TRIP11: variants seen among roughly 807,000 people sequenced by gnomAD.
TRIP11 encodes the protein thyroid hormone receptor interactor 11, also known as thyroid receptor-interacting protein 11.
In TRIP11, 148 loss-of-function variants were observed where a neutral mutation model predicts 223.1. The observed-to-expected ratio is 0.66, with a 90% CI of 0.58 to 0.76. The LOEUF (loss-of-function observed/expected upper bound fraction) is 0.76. Among genes scored for constraint, TRIP11 ranks in the 30% least tolerant of loss-of-function variants. The probability of loss-of-function intolerance (pLI) is 0.00; values close to 1 mark genes in which losing one functional copy is unlikely to be tolerated. For synonymous variants in TRIP11, 762 were observed against 772.6 expected (o/e 0.99, Z 0.23); for missense variants, 2,043 against 2,222.0 (o/e 0.92, Z 1.62).
intron 2 of TRIP11, among the ~76,000 whole-genome samples, chr14:92,030,069 C>T (rs1408997714): frequency 2.7e-5 from 4 of 150,714 alleles, no homozygotes; most frequent in African/African-American, 4.8e-5. Flanking sequence ...TAGTGGCGGG[C>T]GCCTGTAGTC....
intron 5 of TRIP11, among the ~76,000 whole-genome samples, chr14:92,016,619 T>C (rs1024442312): frequency 9.2e-5 from 14 of 152,054 alleles, no homozygotes; most frequent in African/African-American, 3.1e-4. Context: ...AAATTGATGC[T>C]CTTATGGAAA....
chr14:92,000,512 T>C (rs187030268), intron 11 of TRIP11, among the ~76,000 whole-genome samples: 1 of 152,330 alleles, frequency 6.6e-6, no homozygotes, highest in Admixed American at 6.5e-5. Flanking sequence ...TGTAAGATGT[T>C]AACAAGGAAA....
intron 3 of TRIP11, among the ~76,000 whole-genome samples, chr14:92,022,822 CA>C (rs1428597459): frequency 5.3e-5 from 8 of 152,092 alleles, no homozygotes; most frequent in African/African-American, 1.9e-4. Flanking sequence ...TCATAACAAA[CA>C]AGTTTTTCAT....
intron 9 of TRIP11, among the ~76,000 whole-genome samples, chr14:92,008,059 C>T (rs530881558): frequency 1.2e-4 from 18 of 152,338 alleles, no homozygotes; most frequent in African/African-American, 3.4e-4. Flanking sequence ...TCAAGCAAAA[C>T]ATTTCTATAA....
At chr14:91,987,846 C>A (rs1026806370) in intron 16 of TRIP11, among the ~76,000 whole-genome samples, 2 of 152,170 alleles carry the variant, frequency 1.3e-5, no homozygotes, top group Non-Finnish European at 2.9e-5. Flanking sequence ...TGGTAAAACA[C>A]CATCTACAAT....
rs372915026 is a variant in TRIP11, at chr14:92,025,878, C to CAAAAAAAAAAA, written c.202-469_202-459dup. ...CTGGTGACAGAGCGAGACTCCGTCT[C>CAAAAAAAAAAA]AAAAAAAAAAAAAAAAAGCACTGAC... is the stretch of plus-strand genomic sequence containing the variant. On this transcript the variant is annotated intron_variant, in intron 2 of 20. Transcript: ENST00000267622. 1.3e-3 allele frequency among the ~76,000 whole-genome samples: 95 copies of CAAAAAAAAAAA among 74,020 alleles called. 1 individual carries two copies. The highest frequency in any genetic ancestry group is 3.6e-3 in the African/African-American group (77 of 21,492). The allele number at this position is 74,020 out of a possible 152,430, so 48.6% of individuals were successfully genotyped here. A position where few individuals can be genotyped will look rare whatever the true frequency, so the allele number is the denominator to read the frequency against.
chr14:92,004,463 G>A lies in TRIP11; in HGVS notation c.3513C>T (p.Ile1171=), dbSNP rs950594238. The change falls in exon 11 of 21, where the codon ATC becomes ATT. Residue 1171 remains isoleucine (I), a synonymous_variant. Transcript: ENST00000267622. Reference sequence around the variant, plus strand: ...ATTTCTGACTTAGTGCATCTATTTCGATGTCTTTTTCTCGAATGATACGTG... The same window carrying A: ...ATTTCTGACTTAGTGCATCTATTTCAATGTCTTTTTCTCGAATGATACGTG... The part of the protein sequence containing the change: ...NLSRIIREKD[I]EIDALSQKCQ... 8 of 1,613,476 alleles carry A rather than the reference G, an allele frequency of 5.0e-6. No individual in the cohort carries two copies. The Admixed American group carries it at 5.0e-5, about 10-fold the overall frequency.
chr14:91,972,284 C>G (rs1054279924), intron 20 of TRIP11, among the ~76,000 whole-genome samples: 17 of 152,132 alleles, frequency 1.1e-4, no homozygotes, highest in Admixed American at 1.1e-3. Flanking sequence ...CTGAGTGTAG[C>G]ACTTAAATTT....
intron 2 of TRIP11, among the ~76,000 whole-genome samples, chr14:92,030,980 T>C (rs1013284865): frequency 6.7e-6 from 1 of 149,170 alleles, no homozygotes; most frequent in Non-Finnish European, 1.5e-5. Flanking sequence ...GCTGGGCATG[T>C]GGCTCATGCC....
At chr14:92,030,113 C>T (rs10132139) in intron 2 of TRIP11, among the ~76,000 whole-genome samples, 2,956 of 145,398 alleles carry the variant, frequency 0.02, 102 homozygotes, top group African/African-American at 0.069. Context: ...AGGAGAATGG[C>T]GTGAACCCGG....
At chr14:92,008,126 A>G (rs1177570999) in intron 9 of TRIP11, among the ~76,000 whole-genome samples, 1 of 152,106 alleles carries the variant, frequency 6.6e-6, no homozygotes, top group African/African-American at 2.4e-5. Context: ...TCTTCTTTAT[A>G]AAAAACGTTC....
At chr14:91,994,552 T>C (rs556157836) in intron 14 of TRIP11, among the ~76,000 whole-genome samples, 7 of 152,292 alleles carry the variant, frequency 4.6e-5, no homozygotes, top group African/African-American at 1.7e-4. Context: ...CAAGAATTCT[T>C]ATATCTAAAA....
chr14:92,028,466 C>T (rs1334234617), intron 2 of TRIP11, among the ~76,000 whole-genome samples: 1 of 152,046 alleles, frequency 6.6e-6, no homozygotes, highest in Non-Finnish European at 1.5e-5. Flanking sequence ...GGAGGGAAGA[C>T]TGCTTGAACC....
chr14:92,018,729 C>T (rs911257447), intron 4 of TRIP11, among the ~76,000 whole-genome samples: 4 of 151,856 alleles, frequency 2.6e-5, no homozygotes, highest in African/African-American at 9.7e-5. Context: ...GGAGGCAAGG[C>T]CGCTGGATCA....
chr14:92,010,454 C>T (rs1261647359), intron 9 of TRIP11, among the ~76,000 whole-genome samples: 1 of 152,018 alleles, frequency 6.6e-6, no homozygotes, highest in Non-Finnish European at 1.5e-5. Context: ...CGCTTGAACC[C>T]GGGAGGCGGA....
Position 92,010,986 on chromosome 14 carries a change from C to A in TRIP11, c.1314G>T (p.Lys438Asn). Reference sequence around the variant, plus strand: ...CTGCCCCCATTTTTACAGCACCCACCTTTTCTTGACTCAGTAATGACTTCT... The same window carrying A: ...CTGCCCCCATTTTTACAGCACCCACATTTTCTTGACTCAGTAATGACTTCT... Reference protein sequence around the residue: ...EKEKSLLSQEKEELQMSLLKL... With the variant: ...EKEKSLLSQENEELQMSLLKL... The change falls in exon 9 of 21, where the codon AAG becomes AAT. Residue 438 changes from lysine to asparagine, a missense_variant and splice_region_variant. Lys to Asn is a moderately conservative substitution (Grantham distance 94). Transcript: ENST00000267622. The A allele has an allele frequency of 6.2e-7, 1 of 1,613,900 alleles. No individual in the cohort carries two copies. Among genetic ancestry groups the A allele is most frequent in the Non-Finnish European group, 8.5e-7 (1 of 1,179,916 alleles).
intron 9 of TRIP11, among the ~76,000 whole-genome samples, chr14:92,008,347 ATT>A: frequency 1.3e-5 from 2 of 152,316 alleles, no homozygotes; most frequent in South Asian, 4.1e-4. Context: ...AGCCTCTCTA[ATT>A]AGAAAATAAA....
chr14:92,000,199 T>C (rs1158556650), intron 11 of TRIP11, 91 bp from the exon 12 acceptor site: 1 of 1,569,512 alleles, frequency 6.4e-7, no homozygotes, highest in Non-Finnish European at 8.7e-7. Context: ...TTAATTCATT[T>C]AATTTTTAAA....
intron 2 of TRIP11, chr14:92,030,504 C>CT (rs2057251618): frequency 6.6e-6 from 1 of 152,236 alleles, no homozygotes; most frequent in Non-Finnish European, 1.5e-5. Flanking sequence ...TCTCCTGCCT[C>CT]AGCCTCCCAA....
Sources: allele counts gnomAD v4.1 joint callset (sites outside exome capture counted in the v4.1 genomes callset), GRCh38; gene constraint gnomAD v4.1.1; transcripts MANE v1.5; gene names NCBI Gene and HGNC (gene_info 2026-07-23, HGNC 2026-07-21).